FGF12: variants seen among roughly 807,000 people sequenced by gnomAD.
The protein encoded by FGF12 is fibroblast growth factor 12.
A neutral mutation model predicts 23.6 loss-of-function variants in FGF12; 14 were observed. That is an observed-to-expected ratio of 0.59 (90% CI 0.39 to 0.93). FGF12 has a LOEUF of 0.93. Among genes scored for constraint, FGF12 ranks in the 40% least tolerant of loss-of-function variants. The probability of loss-of-function intolerance (pLI) is 0.00; values close to 1 mark genes in which losing one functional copy is unlikely to be tolerated. For missense variants in FGF12, 175 were observed against 217.8 expected (o/e 0.80, Z 1.24); for synonymous variants, 62 against 77.3 (o/e 0.80, Z 1.04).
At chr3:192,297,524 G>A (rs1715111009) in intron 4 of FGF12, among the ~76,000 whole-genome samples, 1 of 152,138 alleles carries the variant, frequency 6.6e-6, no homozygotes, top group Admixed American at 6.5e-5. Flanking sequence ...GTCAATGCAG[G>A]CTTTAGCAAA....
intron 2 of FGF12, among the ~76,000 whole-genome samples, chr3:192,467,249 C>G (rs1391568172): frequency 6.6e-6 from 1 of 152,096 alleles, no homozygotes; most frequent in Non-Finnish European, 1.5e-5. Flanking sequence ...CCTAATTCTC[C>G]CACTGATCAG....
chr3:192,177,735 A>G (rs181891463), intron 4 of FGF12, among the ~76,000 whole-genome samples: 19 of 152,282 alleles, frequency 1.2e-4, no homozygotes, highest in African/African-American at 4.6e-4. Flanking sequence ...CACAATCAAT[A>G]TTCCTTGTTC....
intron 2 of FGF12, among the ~76,000 whole-genome samples, chr3:192,450,194 CT>C (rs1722478837): frequency 1.3e-5 from 2 of 152,154 alleles, no homozygotes; most frequent in African/African-American, 4.8e-5. Context: ...ATAAAAACTA[CT>C]GGAGAAGAAG....
chr3:192,299,646 C>T (rs1367696919), intron 4 of FGF12, among the ~76,000 whole-genome samples: 1 of 152,080 alleles, frequency 6.6e-6, no homozygotes, highest in Non-Finnish European at 1.5e-5. Flanking sequence ...AGTGTTGTTC[C>T]CAAAAGAATG....
chr3:192,450,632 G>C (rs1232993534), intron 2 of FGF12, among the ~76,000 whole-genome samples: 1 of 152,148 alleles, frequency 6.6e-6, no homozygotes, highest in African/African-American at 2.4e-5. Flanking sequence ...TAATCATCAA[G>C]AGTCATTCAC....
intron 2 of FGF12, among the ~76,000 whole-genome samples, chr3:192,462,123 T>C (rs1722883317): frequency 2.0e-5 from 3 of 152,182 alleles, no homozygotes; most frequent in Non-Finnish European, 2.9e-5. Flanking sequence ...TAAAGAAATG[T>C]ATATTAAAAT....
At position 192,535,669 on chromosome 3, in the gene FGF12, C is replaced by T. The variant is rs151205726; in HGVS notation, c.14-175131G>A. 2.1e-4 allele frequency among the ~76,000 whole-genome samples: 32 copies of T among 152,218 alleles called. No individual in the cohort carries two copies. In the East Asian group the frequency reaches 5.8e-3, roughly 28 times the overall value. On this transcript the variant is annotated intron_variant, in intron 2 of 5. Coordinates refer to ENST00000445105, the MANE Select transcript of FGF12 (RefSeq NM_004113.6). ...AAGCAGAATTCAGAGCCAGAGGAGA[C>T]CTTGAAAATATAAACTCACACTGAA...
intron 4 of FGF12, among the ~76,000 whole-genome samples, chr3:192,301,119 A>T (rs576308737): frequency 2.6e-5 from 4 of 152,308 alleles, no homozygotes; most frequent in African/African-American, 9.6e-5. Context: ...ACAATGAGGT[A>T]TTGAAAGTCC....
At chr3:192,173,768 A>C (rs1409283696) in intron 4 of FGF12, among the ~76,000 whole-genome samples, 1 of 152,212 alleles carries the variant, frequency 6.6e-6, no homozygotes, top group African/African-American at 2.4e-5. Context: ...TTAGGAAAAA[A>C]ATAATTCCTG....
intron 2 of FGF12, among the ~76,000 whole-genome samples, chr3:192,599,948 A>G (rs1714038242): frequency 6.6e-6 from 1 of 152,116 alleles, no homozygotes; most frequent in Non-Finnish European, 1.5e-5. Context: ...GGTCTTATTC[A>G]TAAAATCCTT....
chr3:192,637,234 C>G (rs528314698), intron 2 of FGF12, among the ~76,000 whole-genome samples: 1 of 152,262 alleles, frequency 6.6e-6, no homozygotes, highest in Non-Finnish European at 1.5e-5. Flanking sequence ...CTCAGGACGC[C>G]CAGAATAGCC....
chr3:192,649,280 T>C (rs1018403372), intron 2 of FGF12, among the ~76,000 whole-genome samples: 1 of 151,848 alleles, frequency 6.6e-6, no homozygotes, highest in African/African-American at 2.4e-5. Flanking sequence ...CTGCATACGA[T>C]AGTAAGCACT....
chr3:192,167,763 ATATATAAAATTTTTTTT>A (rs1230987542), intron 5 of FGF12, among the ~76,000 whole-genome samples: 346 of 32,170 alleles, frequency 0.011, 19 homozygotes, highest in Non-Finnish European at 0.019. Context: ...ATATATATAT[ATATATAAAATTTTTTTT>A]TTTTTTTTTT....
At chr3:192,407,878 G>T in intron 2 of FGF12, 1 of 874,818 alleles carries the variant, frequency 1.1e-6, no homozygotes, top group Non-Finnish European at 1.8e-6. Flanking sequence ...CTGACAGAGT[G>T]GTTGAAAGAA....
rs967323259 is a variant in FGF12, at chr3:192,141,296, G to A, written c.*2713C>T. Reference sequence around the variant, plus strand: ...TCAACCATATTTTTGGATGAAGTTGGATATTATATGTTTACACATGGTAAT... The same window carrying A: ...TCAACCATATTTTTGGATGAAGTTGAATATTATATGTTTACACATGGTAAT... On this transcript the variant is annotated 3_prime_UTR_variant, in exon 6 of 6. Transcript: ENST00000445105. The A allele has an allele frequency of 6.6e-6, 1 of 151,900 alleles. No homozygotes were observed. The highest frequency in any genetic ancestry group is 2.4e-5 in the African/African-American group (1 of 41,398). 9.4% of individuals were successfully genotyped at this position (151,900 alleles called of 1,614,324 possible). A position where few individuals can be genotyped will look rare whatever the true frequency, so the allele number is the denominator to read the frequency against.
chr3:192,465,868 G>A (rs1722996340), intron 2 of FGF12, among the ~76,000 whole-genome samples: 1 of 152,150 alleles, frequency 6.6e-6, no homozygotes, highest in African/African-American at 2.4e-5. Flanking sequence ...AGAAGCCTCC[G>A]CATGAATCTC....
chr3:192,284,979 T>G (rs1302228567), intron 4 of FGF12, among the ~76,000 whole-genome samples: 3 of 152,016 alleles, frequency 2.0e-5, no homozygotes, highest in Non-Finnish European at 4.4e-5. Context: ...CAGGAGCTAC[T>G]TTAGTTAGGT....
intron 2 of FGF12, among the ~76,000 whole-genome samples, chr3:192,452,925 A>AT (rs1340468765): frequency 6.6e-6 from 1 of 152,168 alleles, no homozygotes; most frequent in South Asian, 2.1e-4. Flanking sequence ...ATACATGCAT[A>AT]TTTTTTATTA....
In FGF12 at chr3:192,408,904, G is replaced by T. The variant is rs752980480; in HGVS notation, c.14-48366C>A. The T allele has an allele frequency of 7.1e-4, 697 of 985,290 alleles. 1 individual carries two copies. The highest frequency in any genetic ancestry group is 8.2e-4 in the Non-Finnish European group (677 of 829,972). The allele number at this position is 985,290 out of a possible 1,614,324, so 61.0% of individuals were successfully genotyped here. A position where few individuals can be genotyped will look rare whatever the true frequency, so the allele number is the denominator to read the frequency against. On this transcript the variant is annotated intron_variant, in intron 2 of 5. Coordinates refer to ENST00000445105, the MANE Select transcript of FGF12 (RefSeq NM_004113.6). This position sits in a 1 kb window ranked among gnomAD's most constrained non-coding sequence, Gnocchi z 7.3. ...GAGGTCTACAGAATGCATCGCGCCGGCTGCGGCTTTCCAGGGGCCGGCCAC... is the reference window on the plus strand; with the variant it reads ...GAGGTCTACAGAATGCATCGCGCCGTCTGCGGCTTTCCAGGGGCCGGCCAC...
Sources: gnomAD v4.1 joint callset for allele counts (sites outside exome capture counted in the v4.1 genomes callset) on GRCh38, gnomAD v4.1.1 for gene constraint, Gnocchi (gnomAD v3.1) non-coding constraint, MANE v1.5 for transcripts, NCBI Gene and HGNC (gene_info 2026-07-23, HGNC 2026-07-21) for gene names.